The following KCTD1 variants were observed in gnomAD, a reference collection of about 807,000 sequenced individuals.
KCTD1 encodes potassium channel tetramerization domain containing 1, also known as BTB/POZ domain-containing protein KCTD1.
Under a neutral mutation model 66.0 loss-of-function variants are expected in KCTD1, and 24 were observed. That is an observed-to-expected ratio of 0.36 (90% CI 0.26 to 0.51). KCTD1 has a LOEUF of 0.51. Ranked by LOEUF, KCTD1 falls within the 20% of genes least tolerant of loss-of-function variation. The pLI is 0.95. For missense variants in KCTD1, 943 were observed against 1,205.2 expected, an observed-to-expected ratio of 0.78 and a Z score of 3.22; for synonymous variants, 511 against 517.2, an observed-to-expected ratio of 0.99 and a Z score of 0.16.
chr18:26,627,262 TTGTG>T (rs59902249), intron 1 of KCTD1, among the ~76,000 whole-genome samples: 6,653 of 145,958 alleles, frequency 0.046, 220 homozygotes, highest in African/African-American at 0.088. Flanking sequence ...CTTCTGGGTT[TTGTG>T]TGTGTGTGTG....
intron 2 of KCTD1, among the ~76,000 whole-genome samples, chr18:26,482,533 C>T (rs1162483772): frequency 6.6e-6 from 1 of 152,188 alleles, no homozygotes; most frequent in African/African-American, 2.4e-5. Context: ...ATCCTGAAAA[C>T]TCTTACGGGA....
In KCTD1 at chr18:26,468,165, T is replaced by A. The variant is rs1306546437; in HGVS notation, c.2134-8240A>T. On this transcript the variant is annotated intron_variant, in intron 3 of 4. Coordinates refer to ENST00000580059, the MANE Select transcript of KCTD1 (RefSeq NM_001142730.3). This position sits in a 1 kb window ranked among gnomAD's most constrained non-coding sequence, Gnocchi z 4.8. ...TCATGTGCAGGGCATAAAACAACAA[T>A]GAGCAAATCAGTAAAATTGGAGGGA... is the stretch of plus-strand genomic sequence containing the variant. 6.6e-6 allele frequency among the ~76,000 whole-genome samples: 1 copy of A among 152,112 alleles called. No homozygotes were observed. The highest frequency in any genetic ancestry group is 1.5e-5 in the Non-Finnish European group (1 of 68,024).
chr18:26,562,427 G>T (rs1398353865), intron 1 of KCTD1, among the ~76,000 whole-genome samples: 2 of 149,824 alleles, frequency 1.3e-5, no homozygotes, highest in East Asian at 2.0e-4. Flanking sequence ...GAAGCCCGGT[G>T]GGGGGTGGGG....
Position 26,483,430 on chromosome 18 carries a change from G to A in KCTD1, c.1989-6771C>T, listed in dbSNP as rs539553581. Among the ~76,000 whole-genome samples, 64 of 151,830 alleles carry A rather than the reference G, an allele frequency of 4.2e-4. No individual in the cohort carries two copies. The East Asian group carries it at 0.011, about 26-fold the overall frequency. On this transcript the variant is annotated intron_variant, in intron 2 of 4. Transcript: ENST00000580059. ...ATTACAGGCACCTGCCACCACGCCC[G>A]GCTAGTTTTTGTATTTTTGGTAGAG...
chr18:26,490,174 C>T (rs370494898), intron 2 of KCTD1, among the ~76,000 whole-genome samples: 134 of 152,298 alleles, frequency 8.8e-4, no homozygotes, highest in Non-Finnish European at 1.5e-3. Flanking sequence ...TGCATGGTGA[C>T]GCGTTTACAT....
intron 3 of KCTD1, among the ~76,000 whole-genome samples, chr18:26,462,979 A>AAAT (rs1015223705): frequency 2.6e-5 from 4 of 151,956 alleles, no homozygotes; most frequent in Non-Finnish European, 5.9e-5. Flanking sequence ...TACTTGGTGG[A>AAAT]AATAGGCAGG....
chr18:26,525,119 C>G (rs11659778), intron 1 of KCTD1, among the ~76,000 whole-genome samples: 9,094 of 152,264 alleles, frequency 0.06, 316 homozygotes, highest in Middle Eastern at 0.11. Context: ...ATGATCCAAA[C>G]AGCAACTTTA....
chr18:26,570,820 G>A (rs564725006), intron 1 of KCTD1, among the ~76,000 whole-genome samples: 18 of 152,330 alleles, frequency 1.2e-4, no homozygotes, highest in African/African-American at 4.3e-4. Flanking sequence ...ACCATCATAA[G>A]TCAGAGATGT....
chr18:26,484,032 C>A (rs1360522977), intron 2 of KCTD1, among the ~76,000 whole-genome samples: 1 of 152,120 alleles, frequency 6.6e-6, no homozygotes, highest in Non-Finnish European at 1.5e-5. Flanking sequence ...AAAGGGAATG[C>A]GATGCTGGAG....
intron 1 of KCTD1, among the ~76,000 whole-genome samples, chr18:26,527,300 G>A (rs1358518683): frequency 6.6e-6 from 1 of 152,138 alleles, no homozygotes; most frequent in Non-Finnish European, 1.5e-5. Context: ...AATAAAGCTA[G>A]CATTTGATGC....
intron 1 of KCTD1, among the ~76,000 whole-genome samples, chr18:26,621,334 A>C (rs1046620950): frequency 6.6e-6 from 1 of 152,072 alleles, no homozygotes; most frequent in Non-Finnish European, 1.5e-5. Context: ...GCGTCCATAG[A>C]CACTGTCCAT....
chr18:26,600,578 T>C (rs1986871140), intron 1 of KCTD1, among the ~76,000 whole-genome samples: 1 of 152,102 alleles, frequency 6.6e-6, no homozygotes, highest in African/African-American at 2.4e-5. Flanking sequence ...GATGGGTTTC[T>C]TCACCTCATG....
chr18:26,563,813 T>C (rs1200236169), intron 1 of KCTD1, among the ~76,000 whole-genome samples: 3 of 152,236 alleles, frequency 2.0e-5, no homozygotes, highest in Non-Finnish European at 2.9e-5. Context: ...TAAGTGCTTA[T>C]TCATGTTAGC....
chr18:26,472,165 T>G (rs552598784), intron 3 of KCTD1, among the ~76,000 whole-genome samples: 14 of 152,170 alleles, frequency 9.2e-5, no homozygotes, highest in African/African-American at 2.6e-4. Flanking sequence ...AGCTCATTTT[T>G]GGGCATCTAA....
chr18:26,570,140 T>G (rs1368713019), intron 1 of KCTD1, among the ~76,000 whole-genome samples: 1 of 149,798 alleles, frequency 6.7e-6, no homozygotes, highest in Non-Finnish European at 1.5e-5. Context: ...GAGATGAAAT[T>G]GTGCCACTGC....
At chr18:26,615,051 C>CA (rs1422864756) in intron 1 of KCTD1, among the ~76,000 whole-genome samples, 5 of 152,210 alleles carry the variant, frequency 3.3e-5, no homozygotes, top group African/African-American at 1.2e-4. Context: ...AAATGAATTC[C>CA]ATGCAATCAG....
chr18:26,499,367 T>C (rs887989658), intron 2 of KCTD1, among the ~76,000 whole-genome samples: 1 of 152,204 alleles, frequency 6.6e-6, no homozygotes, highest in South Asian at 2.1e-4. Flanking sequence ...AATAAAGCCA[T>C]TATTATAATA....
chr18:26,617,510 C>T (rs2145008130), intron 1 of KCTD1, among the ~76,000 whole-genome samples: 1 of 152,230 alleles, frequency 6.6e-6, no homozygotes, highest in African/African-American at 2.4e-5. Flanking sequence ...GTCTTTCCAT[C>T]AATTGGGTAC....
chr18:26,656,819 C>A (rs973296055), intron 1 of KCTD1, among the ~76,000 whole-genome samples: 2 of 149,294 alleles, frequency 1.3e-5, no homozygotes, highest in African/African-American at 4.9e-5. Flanking sequence ...CGGCGCTGGG[C>A]GCTCTCGGCG....
Sources: gnomAD v4.1 joint callset for allele counts (sites outside exome capture counted in the v4.1 genomes callset) on GRCh38, gnomAD v4.1.1 for gene constraint, Gnocchi (gnomAD v3.1) non-coding constraint, MANE v1.5 for transcripts, NCBI Gene and HGNC (gene_info 2026-07-23, HGNC 2026-07-21) for gene names.